Variants in KDM4B observed in about 807,000 individuals in gnomAD.
KDM4B encodes the protein lysine demethylase 4B.
KDM4B carries 32 observed loss-of-function variants against 125.2 expected under a neutral mutation model. The observed-to-expected ratio is 0.26, with a 90% confidence interval of 0.19 to 0.34. The LOEUF (loss-of-function observed/expected upper bound fraction) is 0.34. Among genes scored for constraint, KDM4B ranks in the 10% least tolerant of loss-of-function variants. The pLI, the probability that KDM4B is intolerant of heterozygous loss-of-function variation, is 1.00. For missense variants in KDM4B, 1,190 were observed against 1,577.7 expected, an observed-to-expected ratio of 0.75 and a Z score of 4.16; for synonymous variants, 721 against 677.9, an observed-to-expected ratio of 1.06 and a Z score of -0.99.
intron 13 of KDM4B, 107 bp from the exon 14 acceptor site, chr19:5,133,776 G>T: frequency 8.4e-7 from 1 of 1,190,488 alleles, no homozygotes; most frequent in Non-Finnish European, 1.2e-6. Context: ...CCTGTGGGCA[G>T]CCAGGGCTGT....
chr19:5,017,425 C>CT (rs1050752326), intron 2 of KDM4B, among the ~76,000 whole-genome samples: 19 of 152,304 alleles, frequency 1.2e-4, no homozygotes, highest in African/African-American at 4.6e-4. Context: ...GGAGAAGTGA[C>CT]TAGCTGGAAC....
intron 9 of KDM4B, among the ~76,000 whole-genome samples, chr19:5,090,623 C>T (rs1487217484): frequency 1.1e-4 from 12 of 106,018 alleles, no homozygotes; most frequent in East Asian, 2.6e-4. Flanking sequence ...TCTGTCTCCC[C>T]GCTGCGCGCG....
intron 1 of KDM4B, among the ~76,000 whole-genome samples, chr19:4,982,917 T>G (rs2034695287): frequency 6.6e-6 from 1 of 151,984 alleles, no homozygotes; most frequent in African/African-American, 2.4e-5. Context: ...GGCCTAAAAG[T>G]GATGTATGTT....
intron 10 of KDM4B, chr19:5,119,061 G>A (rs1033814706): frequency 1.5e-4 from 170 of 1,109,612 alleles, no homozygotes; most frequent in Admixed American, 1.0e-3. Flanking sequence ...AGGACCAGGC[G>A]TCCTGGGGAG....
In KDM4B at chr19:5,119,568, G is replaced by A. The variant is rs1000966071; in HGVS notation, c.1116-85G>A. On this transcript the variant is annotated intron_variant, in intron 10 of 22. Coordinates refer to ENST00000159111, the MANE Select transcript of KDM4B (RefSeq NM_015015.3). ...AGCGCTCTTCTGGGGGTGGGCGGGG[G>A]CTGCGTGCTGCCGGACAGAGTGCAC... 13 of 1,313,168 alleles carry A rather than the reference G, an allele frequency of 9.9e-6. No homozygotes were observed. In the African/African-American group the frequency reaches 1.5e-4, roughly 15 times the overall value. The allele number at this position is 1,313,168 out of a possible 1,614,324, so 81.3% of individuals were successfully genotyped here.
rs903425077 is a variant in KDM4B, at chr19:5,082,300, G to A, written c.781-67G>A. On this transcript the variant is annotated intron_variant, in intron 8 of 22. Coordinates refer to ENST00000159111, the MANE Select transcript of KDM4B (RefSeq NM_015015.3). The surrounding 1 kb of genome is among the most constrained non-coding windows in gnomAD (Gnocchi z 5.4). ...GGCTCCCTGGCACTTGCTGGGAAGT[G>A]CCCACGTCCCATCCCCTGGTGCGCC... The A allele has an allele frequency of 1.3e-6, 2 of 1,597,800 alleles. No homozygotes were observed. Among genetic ancestry groups the A allele is most frequent in the Non-Finnish European group, 1.7e-6 (2 of 1,170,616 alleles).
intron 15 of KDM4B, among the ~76,000 whole-genome samples, chr19:5,136,549 C>T (rs1233176438): frequency 6.6e-6 from 1 of 152,170 alleles, no homozygotes; most frequent in Non-Finnish European, 1.5e-5. Flanking sequence ...GCCCCCGGGG[C>T]AGATGGGCTC....
At chr19:5,143,849 G>A (rs543360649) in intron 18 of KDM4B, 118 bp from the exon 19 acceptor site, 111 of 806,252 alleles carry the variant, frequency 1.4e-4, no homozygotes, top group South Asian at 1.2e-3. Context: ...TGGGCAGAGC[G>A]CAGGGCCACT....
chr19:5,111,691 G>C, intron 10 of KDM4B: 1 of 743,226 alleles, frequency 1.3e-6, no homozygotes, highest in East Asian at 2.4e-5. Flanking sequence ...AGCTGGAGCC[G>C]GGAGGGACGG....
intron 12 of KDM4B, 83 bp from the exon 13 acceptor site, chr19:5,131,804 C>A: frequency 6.3e-7 from 1 of 1,575,354 alleles, no homozygotes; most frequent in Non-Finnish European, 8.7e-7. Flanking sequence ...GCCTCAGGCA[C>A]GCCGAGCCCC....
chr19:4,980,378 G>C (rs2034593580), intron 1 of KDM4B, among the ~76,000 whole-genome samples: 1 of 149,290 alleles, frequency 6.7e-6, no homozygotes, highest in Non-Finnish European at 1.5e-5. Context: ...TTCTCAAGGT[G>C]TATCCACGCA....
intron 2 of KDM4B, among the ~76,000 whole-genome samples, chr19:5,026,023 C>T (rs1017115044): frequency 6.6e-5 from 10 of 151,964 alleles, no homozygotes; most frequent in African/African-American, 2.4e-4. Flanking sequence ...GCTGGGATTA[C>T]AGGCGCATGC....
At position 5,047,464 on chromosome 19, in the gene KDM4B, G is replaced by C; in HGVS notation, c.433-12G>C. ...GCCGGGCGGTTGCCGACGCTGCTCT[G>C]CCGCCCCACAGGACGTGGCCCAGTG... On this transcript the variant is annotated splice_polypyrimidine_tract_variant and intron_variant, in intron 5 of 22. Transcript: ENST00000159111. 3 of 1,591,014 alleles carry C rather than the reference G, an allele frequency of 1.9e-6. No homozygotes were observed. The highest frequency in any genetic ancestry group is 2.6e-6 in the Non-Finnish European group (3 of 1,165,586).
At chr19:5,089,141 C>T (rs889978360) in intron 9 of KDM4B, among the ~76,000 whole-genome samples, 3 of 152,218 alleles carry the variant, frequency 2.0e-5, no homozygotes, top group African/African-American at 4.8e-5. Flanking sequence ...TGTGAATACA[C>T]AAGCTCCTGC....
intron 9 of KDM4B, among the ~76,000 whole-genome samples, chr19:5,083,050 G>T (rs2038353258): frequency 6.6e-6 from 1 of 152,192 alleles, no homozygotes; most frequent in Non-Finnish European, 1.5e-5. Flanking sequence ...GGGGTCCCTG[G>T]AGGTCACGGT....
At chr19:5,008,092 A>G (rs1217638057) in intron 1 of KDM4B, among the ~76,000 whole-genome samples, 1 of 152,234 alleles carries the variant, frequency 6.6e-6, no homozygotes, top group African/African-American at 2.4e-5. Context: ...TGTGGGCAAC[A>G]TAGGAAGATA....
At chr19:5,068,039 C>T (rs2037829708) in intron 6 of KDM4B, among the ~76,000 whole-genome samples, 1 of 152,146 alleles carries the variant, frequency 6.6e-6, no homozygotes, top group Non-Finnish European at 1.5e-5. Flanking sequence ...AGATGCTCCC[C>T]CTGCCTCGAG....
chr19:4,978,377 C>G (rs931763276), intron 1 of KDM4B, among the ~76,000 whole-genome samples: 4 of 151,682 alleles, frequency 2.6e-5, no homozygotes, highest in African/African-American at 9.7e-5. Context: ...CGCGGTGGCA[C>G]GTGCCTGTAA....
intron 1 of KDM4B, among the ~76,000 whole-genome samples, chr19:4,985,211 C>G (rs2034786405): frequency 6.6e-6 from 1 of 152,122 alleles, no homozygotes; most frequent in South Asian, 2.1e-4. Flanking sequence ...GCAGTCCCAG[C>G]TACTCGGGAG....
Sources: allele counts gnomAD v4.1 joint callset (sites outside exome capture counted in the v4.1 genomes callset), GRCh38; gene constraint gnomAD v4.1.1; non-coding constraint Gnocchi (gnomAD v3.1); transcripts MANE v1.5; gene names NCBI Gene and HGNC (gene_info 2026-07-23, HGNC 2026-07-21).